FBLIM1: variants seen among roughly 807,000 people sequenced by gnomAD.
FBLIM1 encodes filamin-binding LIM protein 1.
Under a neutral mutation model 37.4 loss-of-function variants are expected in FBLIM1, and 29 were observed. The ratio of observed to expected loss-of-function variants is 0.77; its 90% CI spans 0.58 to 1.06. The LOEUF is 1.06. FBLIM1 is among the 50% of genes least tolerant of loss of function. The probability of loss-of-function intolerance (pLI) is 0.00; values close to 1 mark genes in which losing one functional copy is unlikely to be tolerated. For synonymous variants in FBLIM1, 193 were observed against 199.0 expected, an observed-to-expected ratio of 0.97 and a Z score of 0.25; for missense variants, 449 against 505.6, an observed-to-expected ratio of 0.89 and a Z score of 1.07.
intron 1 of FBLIM1, among the ~76,000 whole-genome samples, chr1:15,761,746 T>C (rs1431353897): frequency 1.3e-5 from 2 of 152,224 alleles, no homozygotes; most frequent in African/African-American, 2.4e-5. Context: ...GACTGAGCTA[T>C]GTATTTTAGC....
chr1:15,776,886 G>C, intron 7 of FBLIM1: 1 of 185,186 alleles, frequency 5.4e-6, no homozygotes. Context: ...AAAAAAAAAA[G>C]AAGTACTGAA....
intron 8 of FBLIM1, among the ~76,000 whole-genome samples, chr1:15,780,995 C>A (rs930720945): frequency 2.0e-5 from 3 of 151,912 alleles, no homozygotes; most frequent in African/African-American, 7.3e-5. Context: ...AGCGAATAAA[C>A]CCCCCCGGTA....
chr1:15,777,819 C>T (rs1001290594), intron 8 of FBLIM1, among the ~76,000 whole-genome samples: 10 of 152,080 alleles, frequency 6.6e-5, no homozygotes, highest in Non-Finnish European at 5.9e-5. Context: ...GTGATCCGCC[C>T]ACTTCCACCT....
At chr1:15,778,695 C>T (rs1473436095) in intron 8 of FBLIM1, among the ~76,000 whole-genome samples, 1 of 151,744 alleles carries the variant, frequency 6.6e-6, no homozygotes, top group African/African-American at 2.4e-5. Context: ...GGCTGGAGTG[C>T]AATGGCGTGA....
chr1:15,760,253 G>A (rs898290509), intron 1 of FBLIM1, among the ~76,000 whole-genome samples: 23 of 151,512 alleles, frequency 1.5e-4, no homozygotes, highest in African/African-American at 5.6e-4. Flanking sequence ...GCTTAAGCCG[G>A]GTGTAGTGGC....
intron 8 of FBLIM1, among the ~76,000 whole-genome samples, chr1:15,780,313 C>T (rs2069603587): frequency 1.3e-5 from 2 of 152,156 alleles, no homozygotes; most frequent in African/African-American, 4.8e-5. Flanking sequence ...ATTCTCTTGC[C>T]TCAGCCTCCT....
At chr1:15,763,962 A>T (rs2068799347) in intron 1 of FBLIM1, among the ~76,000 whole-genome samples, 1 of 152,096 alleles carries the variant, frequency 6.6e-6, no homozygotes, top group Non-Finnish European at 1.5e-5. Context: ...TGAGTAAAGG[A>T]GAAAGAGATT....
chr1:15,778,858 T>C (rs2069564463), intron 8 of FBLIM1, among the ~76,000 whole-genome samples: 1 of 151,990 alleles, frequency 6.6e-6, no homozygotes, highest in South Asian at 2.1e-4. Flanking sequence ...GTCAGGCTGG[T>C]CTCAAACTCC....
chr1:15,767,728 G>A (rs1434406592), intron 4 of FBLIM1, among the ~76,000 whole-genome samples, 165 bp downstream of exon 4: 5 of 152,092 alleles, frequency 3.3e-5, no homozygotes, highest in Admixed American at 3.3e-4. Context: ...TCCCTATTTA[G>A]GCAGGTAAAA....
chr1:15,779,609 G>A (rs190440174), intron 8 of FBLIM1, among the ~76,000 whole-genome samples: 2 of 152,176 alleles, frequency 1.3e-5, no homozygotes, highest in Admixed American at 6.5e-5. Flanking sequence ...GGCCAGAAGT[G>A]GAAGTTTGTA....
intron 5 of FBLIM1, 139 bp from the exon 6 acceptor site, chr1:15,770,270 A>C (rs2069137609): frequency 2.3e-6 from 2 of 883,664 alleles, no homozygotes; most frequent in South Asian, 1.8e-5. Flanking sequence ...AATGCTCCTC[A>C]TGACCCTCTG....
At chr1:15,768,432 T>A in intron 4 of FBLIM1, 96 bp from the exon 5 acceptor site, 4 of 775,970 alleles carry the variant, frequency 5.2e-6, no homozygotes, top group Non-Finnish European at 7.8e-6. Context: ...CTCGGTACAA[T>A]GCGGCTAATT....
chr1:15,775,730 G>T (rs1370646784), intron 7 of FBLIM1, among the ~76,000 whole-genome samples: 1 of 151,994 alleles, frequency 6.6e-6, no homozygotes, highest in Non-Finnish European at 1.5e-5. Context: ...CTATGGAGAC[G>T]TCATTGGATA....
chr1:15,768,214 C>CAG (rs2069020909), intron 4 of FBLIM1, among the ~76,000 whole-genome samples: 3 of 152,148 alleles, frequency 2.0e-5, no homozygotes, highest in Non-Finnish European at 4.4e-5. Context: ...GGGCCCTTAA[C>CAG]AGAGGCTGTG....
intron 8 of FBLIM1, among the ~76,000 whole-genome samples, chr1:15,781,104 C>T (rs1289487826): frequency 1.1e-4 from 17 of 152,052 alleles, no homozygotes; most frequent in Admixed American, 1.1e-3. Context: ...CATGGTGGCT[C>T]ATGCTGGTGA....
intron 5 of FBLIM1, among the ~76,000 whole-genome samples, chr1:15,769,028 T>C (rs2069069474): frequency 6.6e-6 from 1 of 152,174 alleles, no homozygotes; most frequent in Non-Finnish European, 1.5e-5. Flanking sequence ...TGAGCTCTCA[T>C]GTATCCTGCC....
chr1:15,775,703 C>T (rs1169433337), intron 7 of FBLIM1, among the ~76,000 whole-genome samples: 2 of 152,126 alleles, frequency 1.3e-5, no homozygotes, highest in African/African-American at 4.8e-5. Context: ...CTCCCGAACC[C>T]TGTCCTCTTG....
intron 6 of FBLIM1, among the ~76,000 whole-genome samples, chr1:15,772,679 C>T (rs1442924773): frequency 3.3e-5 from 5 of 152,092 alleles, no homozygotes; most frequent in South Asian, 2.1e-4. Flanking sequence ...ACCAGCCAGG[C>T]GCGGTGGCTC....
intron 1 of FBLIM1, 93 bp from the exon 2 acceptor site, chr1:15,764,403 G>A (rs6429774): frequency 0.34 from 52,920 of 154,018 alleles, 9,763 homozygotes; most frequent in African/African-American, 0.48. Context: ...CTTGGTGAGG[G>A]CAGCTCTCAC....
Sources: gnomAD v4.1 joint callset for allele counts (sites outside exome capture counted in the v4.1 genomes callset) on GRCh38, gnomAD v4.1.1 for gene constraint, MANE v1.5 for transcripts, NCBI Gene and HGNC (gene_info 2026-07-23, HGNC 2026-07-21) for gene names.